EGFLAM: variants seen among roughly 807,000 people sequenced by gnomAD.
EGFLAM encodes the protein EGF like, fibronectin type III and laminin G domains, also known as pikachurin.
Under a neutral mutation model 113.1 loss-of-function variants are expected in EGFLAM, and 79 were observed. The observed-to-expected ratio is 0.70, with a 90% CI of 0.58 to 0.84. The LOEUF (loss-of-function observed/expected upper bound fraction) is 0.84, where lower values mean the gene tolerates loss of function less well. Among genes scored for constraint, EGFLAM ranks in the 40% least tolerant of loss-of-function variants. The pLI, the probability that EGFLAM is intolerant of heterozygous loss-of-function variation, is 0.00. For missense variants in EGFLAM, 1,265 were observed against 1,291.6 expected (o/e 0.98, Z 0.32); for synonymous variants, 504 against 487.6 (o/e 1.03, Z -0.44).
chr5:38,424,823 T>G, intron 12 of EGFLAM, 144 bp from the exon 13 acceptor site: 2 of 1,105,848 alleles, frequency 1.8e-6, no homozygotes, highest in Non-Finnish European at 2.5e-6. Context: ...AAAGCCCATT[T>G]GCAGTTGTGC....
At chr5:38,368,876 G>A (rs1483459956) in intron 5 of EGFLAM, among the ~76,000 whole-genome samples, 2 of 152,082 alleles carry the variant, frequency 1.3e-5, no homozygotes, top group African/African-American at 4.8e-5. Flanking sequence ...AAAAAAAGGT[G>A]GAGTGTTTAA....
At position 38,406,836 on chromosome 5, in the gene EGFLAM, A is replaced by G. The variant is rs1741301455; in HGVS notation, c.837A>G (p.Pro279=). 6.2e-7 allele frequency: 1 copy of G among 1,613,552 alleles called. No homozygotes were observed. Among genetic ancestry groups the G allele is most frequent in the South Asian group, 1.1e-5 (1 of 91,062 alleles). The change falls in exon 8 of 22, where the codon CCA becomes CCG. Residue 279 remains proline (P), a synonymous_variant. Coordinates refer to ENST00000322350, the MANE Select transcript of EGFLAM (RefSeq NM_152403.4). ...DLDISFEEVK[P]LPATKGGNKK... ...TCCTTCTCTGGCTTTAGGTTAAACCACTTCCTGCTACCAAAGGAGGGAATA... is the reference window on the plus strand; with the variant it reads ...TCCTTCTCTGGCTTTAGGTTAAACCGCTTCCTGCTACCAAAGGAGGGAATA...
At chr5:38,407,193 TGACA>T in intron 8 of EGFLAM, 47 bp downstream of exon 8, 1 of 1,590,914 alleles carries the variant, frequency 6.3e-7, no homozygotes, top group Non-Finnish European at 8.6e-7. Flanking sequence ...TTGGCACCAT[TGACA>T]GCCAGAGGGC....
chr5:38,400,255 A>T (rs1741072080), intron 6 of EGFLAM, among the ~76,000 whole-genome samples: 1 of 152,218 alleles, frequency 6.6e-6, no homozygotes, highest in Non-Finnish European at 1.5e-5. Flanking sequence ...AAAACCTGTG[A>T]TGCCTTTATT....
intron 3 of EGFLAM, among the ~76,000 whole-genome samples, chr5:38,343,156 C>G (rs935605615): frequency 2.6e-5 from 4 of 152,150 alleles, no homozygotes; most frequent in African/African-American, 9.7e-5. Context: ...GTAATCCCAG[C>G]ACTTTGGGAG....
chr5:38,431,444 C>A (rs1579922498), intron 15 of EGFLAM, among the ~76,000 whole-genome samples, 156 bp downstream of exon 15: 1 of 152,180 alleles, frequency 6.6e-6, no homozygotes, highest in East Asian at 1.9e-4. Context: ...AATTACTTAA[C>A]TTTTCTATTG....
chr5:38,407,217 G>A (rs1741319684), intron 8 of EGFLAM, 71 bp downstream of exon 8: 11 of 1,520,468 alleles, frequency 7.2e-6, no homozygotes, highest in Non-Finnish European at 9.8e-6. Flanking sequence ...CAGTTTTGTG[G>A]TCCAAACATA....
chr5:38,407,556 CATTGGTTT>C (rs1741330136), intron 8 of EGFLAM, among the ~76,000 whole-genome samples: 1 of 152,188 alleles, frequency 6.6e-6, no homozygotes, highest in African/African-American at 2.4e-5. Context: ...GCCCTAATGC[CATTGGTTT>C]CTTCTTAGGA....
Position 38,367,070 on chromosome 5 carries a change from G to A in EGFLAM, c.546-3226G>A, listed in dbSNP as rs1740079206. ...GAGCCACTGATCTCCTGAGGTATAG[G>A]GTGCCTGGCCCAACCCTATCTCACT... On this transcript the variant is annotated intron_variant, in intron 5 of 21. Coordinates refer to ENST00000322350, the MANE Select transcript of EGFLAM (RefSeq NM_152403.4). 2.0e-5 allele frequency among the ~76,000 whole-genome samples: 3 copies of A among 152,108 alleles called. No homozygotes were observed. In the South Asian group the frequency reaches 6.2e-4, roughly 32 times the overall value.
intron 19 of EGFLAM, among the ~76,000 whole-genome samples, chr5:38,454,463 G>T (rs947807423): frequency 3.9e-5 from 6 of 152,194 alleles, no homozygotes; most frequent in Non-Finnish European, 8.8e-5. Context: ...GGGGTTCAGT[G>T]TGGGGTCAGG....
At chr5:38,463,087 G>A in intron 21 of EGFLAM, 76 bp downstream of exon 21, 1 of 1,434,636 alleles carries the variant, frequency 7.0e-7, no homozygotes, top group Non-Finnish European at 9.6e-7. Flanking sequence ...CTGTGCCGAG[G>A]CTATGTACTT....
At chr5:38,386,956 G>C (rs1740678582) in intron 6 of EGFLAM, among the ~76,000 whole-genome samples, 1 of 152,226 alleles carries the variant, frequency 6.6e-6, no homozygotes, top group Non-Finnish European at 1.5e-5. Context: ...CAGCACGGAG[G>C]AGGGGTAATG....
At chr5:38,349,242 G>C (rs1383198993) in intron 3 of EGFLAM, among the ~76,000 whole-genome samples, 1 of 152,174 alleles carries the variant, frequency 6.6e-6, no homozygotes, top group Non-Finnish European at 1.5e-5. Context: ...ATGTAAATGT[G>C]TTAAAGTAGT....
intron 17 of EGFLAM, among the ~76,000 whole-genome samples, chr5:38,441,035 C>T (rs1296681325): frequency 1.3e-5 from 2 of 152,186 alleles, no homozygotes; most frequent in Non-Finnish European, 2.9e-5. Flanking sequence ...ACTTGGACTA[C>T]ATGGTGGTTT....
chr5:38,425,043 C>G lies in EGFLAM; in HGVS notation c.1761C>G (p.Ser587=). The G allele has an allele frequency of 6.2e-7, 1 of 1,614,110 alleles. No individual in the cohort carries two copies. Among genetic ancestry groups the G allele is most frequent in the Non-Finnish European group, 8.5e-7 (1 of 1,179,990 alleles). The part of the protein sequence containing the change: ...GGTCTAIKAD[S]YICLCPLGFK... ...CCTGCACAGCAATCAAAGCCGACTC[C>G]TACATTTGCCTCTGTCCCCTTGGGT... is the stretch of plus-strand genomic sequence containing the variant. The change falls in exon 13 of 22, where the codon TCC becomes TCG. Residue 587 remains serine (S), a synonymous_variant. Transcript: ENST00000322350.
At chr5:38,384,226 T>G (rs1740596747) in intron 6 of EGFLAM, among the ~76,000 whole-genome samples, 1 of 152,050 alleles carries the variant, frequency 6.6e-6, no homozygotes, top group South Asian at 2.1e-4. Flanking sequence ...ATTTTGAAAC[T>G]GGCGAGTCAT....
intron 10 of EGFLAM, among the ~76,000 whole-genome samples, chr5:38,410,307 G>A (rs1741436739): frequency 6.6e-6 from 1 of 152,196 alleles, no homozygotes; most frequent in Non-Finnish European, 1.5e-5. Context: ...ATCTTGGGCG[G>A]TGGTTTTCAC....
At chr5:38,338,835 C>T (rs1739261822) in intron 3 of EGFLAM, 54 bp downstream of exon 3, 7 of 1,477,030 alleles carry the variant, frequency 4.7e-6, no homozygotes, top group Middle Eastern at 1.7e-4. Context: ...ACTATTCGGG[C>T]GGATTGCTGA....
intron 1 of EGFLAM, among the ~76,000 whole-genome samples, chr5:38,334,220 G>A (rs1483442474): frequency 1.3e-5 from 2 of 152,110 alleles, no homozygotes; most frequent in Non-Finnish European, 1.5e-5. Flanking sequence ...CACCATGCCC[G>A]GCCTGTTGAG....
Sources: allele counts gnomAD v4.1 joint callset (sites outside exome capture counted in the v4.1 genomes callset), GRCh38; gene constraint gnomAD v4.1.1; transcripts MANE v1.5; gene names NCBI Gene and HGNC (gene_info 2026-07-23, HGNC 2026-07-21).